UNC5B: variants seen among roughly 807,000 people sequenced by gnomAD.
UNC5B encodes unc-5 netrin receptor B.
Under a neutral mutation model 103.7 loss-of-function variants are expected in UNC5B, and 56 were observed. The observed-to-expected ratio is 0.54, with a 90% CI of 0.44 to 0.67. UNC5B has a LOEUF of 0.67. Among genes scored for constraint, UNC5B ranks in the 30% least tolerant of loss-of-function variants. UNC5B has a pLI of 0.00. For missense variants in UNC5B, 1,194 were observed against 1,284.5 expected (o/e 0.93, Z 1.08); for synonymous variants, 577 against 542.0 (o/e 1.06, Z -0.90).
chr10:71,288,969 C>G lies in UNC5B; in HGVS notation c.1078C>G (p.Leu360Val). 1 of 1,613,984 alleles carries G rather than the reference C, an allele frequency of 6.2e-7. No homozygotes were observed. The highest frequency in any genetic ancestry group is 8.5e-7 in the Non-Finnish European group (1 of 1,179,882). Residue 360 changes from leucine to valine, a missense_variant, in exon 8 of 17, where the codon CTA becomes GTA. By Grantham distance (32) the Leu-to-Val change is conservative. Coordinates refer to ENST00000335350, the MANE Select transcript of UNC5B (RefSeq NM_170744.5). ...DGLCMQNKKT[L>V]SDPNSHLLEA... ...ATTTCCCTTGACAGATAAGAAAACT[C>G]TAAGCGACCCCAACAGCCACCGTAA...
rs555421704 is a variant in UNC5B, at chr10:71,287,496, C to G, written c.734-102C>G. 2.1e-6 allele frequency: 3 copies of G among 1,434,082 alleles called. No individual in the cohort carries two copies. In the African/African-American group the frequency reaches 4.3e-5, roughly 20 times the overall value. The allele number at this position is 1,434,082 out of a possible 1,614,324, so 88.8% of individuals were successfully genotyped here. On this transcript the variant is annotated intron_variant, in intron 5 of 16. Transcript: ENST00000335350. ...GGCAAAAGGGGTCTCACTAGGAAGG[C>G]CAGGCTTCAGCAGAGGGGCCTCGTC...
rs374075468 is a variant in UNC5B, at chr10:71,288,630, C to T, written c.964C>T (p.Arg322Cys). ...CTGCAGCACTGAGTGTGCCCACTGGCGTAGCCGCGAGTGCATGGCGCCCCC... is the reference window on the plus strand; with the variant it reads ...CTGCAGCACTGAGTGTGCCCACTGGTGTAGCCGCGAGTGCATGGCGCCCCC... ...SACSTECAHW[R>C]SRECMAPPPQ... The change falls in exon 7 of 17, where the codon CGT (arginine) becomes TGT (cysteine). Residue 322 changes from arginine to cysteine, a missense_variant. Arg to Cys is a radical substitution (Grantham distance 180). Transcript: ENST00000335350. 6.8e-6 allele frequency: 11 copies of T among 1,613,826 alleles called. No individual in the cohort carries two copies. The highest frequency in any genetic ancestry group is 1.3e-5 in the African/African-American group (1 of 74,950).
At chr10:71,242,300 G>A (rs1479262192) in intron 1 of UNC5B, among the ~76,000 whole-genome samples, 1 of 152,222 alleles carries the variant, frequency 6.6e-6, no homozygotes, top group Non-Finnish European at 1.5e-5. Context: ...GGAAGCTGAG[G>A]CCCACAGTGC....
chr10:71,240,121 C>G (rs1175187551), intron 1 of UNC5B, among the ~76,000 whole-genome samples: 3 of 152,176 alleles, frequency 2.0e-5, no homozygotes, highest in Non-Finnish European at 4.4e-5. Flanking sequence ...ACCTCAGAAG[C>G]CCTGCTGCAG....
intron 1 of UNC5B, among the ~76,000 whole-genome samples, chr10:71,257,691 T>G (rs1844323155): frequency 6.6e-6 from 1 of 152,210 alleles, no homozygotes; most frequent in South Asian, 2.1e-4. Flanking sequence ...TTGGAAGATG[T>G]TTTCCATGGC....
chr10:71,281,561 C>A (rs1295528718), intron 2 of UNC5B, among the ~76,000 whole-genome samples: 1 of 152,224 alleles, frequency 6.6e-6, no homozygotes, highest in Non-Finnish European at 1.5e-5. Context: ...AGGATGGTCT[C>A]AATCTCCTGA....
In UNC5B at chr10:71,289,101, C is replaced by G. The variant is rs1243655246; in HGVS notation, c.1099+111C>G. ...GCAGGGAGAGCTGAAGGTGCCTACC[C>G]ACCCCCCACGGGATCATCTACACCT... On this transcript the variant is annotated intron_variant, in intron 8 of 16. Coordinates refer to ENST00000335350, the MANE Select transcript of UNC5B (RefSeq NM_170744.5). 7 of 1,438,890 alleles carry G rather than the reference C, an allele frequency of 4.9e-6. No individual in the cohort carries two copies. In the East Asian group the frequency reaches 1.6e-4, roughly 33 times the overall value. 89.1% of individuals were successfully genotyped at this position (1,438,890 alleles called of 1,614,324 possible). A position where few individuals can be genotyped will look rare whatever the true frequency, so the allele number is the denominator to read the frequency against.
chr10:71,269,987 C>T (rs1217678281), intron 1 of UNC5B, among the ~76,000 whole-genome samples: 1 of 152,058 alleles, frequency 6.6e-6, no homozygotes, highest in African/African-American at 2.4e-5. Context: ...CCAGCAGAGG[C>T]GCTGAGGCTA....
chr10:71,215,262 T>C (rs1295902125), intron 1 of UNC5B, among the ~76,000 whole-genome samples: 2 of 152,206 alleles, frequency 1.3e-5, no homozygotes, highest in African/African-American at 2.4e-5. Flanking sequence ...TGGCCACAGA[T>C]TGAAGACATG....
chr10:71,291,006 G>T lies in UNC5B; in HGVS notation c.1191G>T (p.Val397=), dbSNP rs199781203. The change falls in exon 9 of 17, where the codon GTG becomes GTT. Residue 397 remains valine (V), a synonymous_variant. Coordinates refer to ENST00000335350, the MANE Select transcript of UNC5B (RefSeq NM_170744.5). ...VVAILMAVGV[V]VYRRNCRDFD... is the part of the protein sequence containing the mutation. ...CAATCCTCATGGCGGTGGGGGTGGTGGTGTACCGCCGCAACTGCCGTGACT... is the reference window on the plus strand; with the variant it reads ...CAATCCTCATGGCGGTGGGGGTGGTTGTGTACCGCCGCAACTGCCGTGACT... 3.1e-6 allele frequency: 5 copies of T among 1,613,896 alleles called. No homozygotes were observed. Among genetic ancestry groups the T allele is most frequent in the Non-Finnish European group, 4.2e-6 (5 of 1,179,986 alleles).
intron 1 of UNC5B, among the ~76,000 whole-genome samples, chr10:71,247,628 A>C (rs1476393376): frequency 6.6e-6 from 1 of 152,064 alleles, no homozygotes; most frequent in Admixed American, 6.6e-5. Flanking sequence ...CAGGAGTCTG[A>C]GTCTGGGCCT....
At chr10:71,280,382 C>G (rs911423347) in intron 2 of UNC5B, among the ~76,000 whole-genome samples, 1 of 152,182 alleles carries the variant, frequency 6.6e-6, no homozygotes, top group African/African-American at 2.4e-5. Flanking sequence ...CCCTGGCACC[C>G]CACGGCACCG....
intron 6 of UNC5B, 72 bp from the exon 7 acceptor site, chr10:71,288,496 C>T (rs746625286): frequency 2.1e-4 from 325 of 1,536,742 alleles, no homozygotes; most frequent in Non-Finnish European, 2.8e-4. Context: ...GCACATTGCT[C>T]TGTTCTGCAC....
At chr10:71,281,852 G>A (rs189113921) in intron 2 of UNC5B, among the ~76,000 whole-genome samples, 67 of 152,232 alleles carry the variant, frequency 4.4e-4, no homozygotes, top group African/African-American at 1.3e-3. Context: ...GCAGGCAGTC[G>A]ATAAACACCT....
At position 71,295,866 on chromosome 10, in the gene UNC5B, C is replaced by G. The variant is rs554162045; in HGVS notation, c.2231C>G (p.Pro744Arg). ...LGGYLVEEPK[P>R]LMFKDSYHNL... The stretch of plus-strand genomic sequence containing the variant: ...GGATACTTGGTGGAGGAGCCGAAAC[C>G]GCTAATGTTCAAGGACAGTTACCAC... Residue 744 changes from proline to arginine, a missense_variant, in exon 14 of 17, where the codon CCG becomes CGG. Coordinates refer to ENST00000335350, the MANE Select transcript of UNC5B (RefSeq NM_170744.5). 2.5e-6 allele frequency: 4 copies of G among 1,613,118 alleles called. No homozygotes were observed. The highest frequency in any genetic ancestry group is 1.3e-5 in the African/African-American group (1 of 74,918).
Position 71,291,147 on chromosome 10 carries a change from C to A in UNC5B, c.1294+38C>A, listed in dbSNP as rs761116906. On this transcript the variant is annotated intron_variant, in intron 9 of 16. Transcript: ENST00000335350. Reference sequence around the variant, plus strand: ...GGATGTCTGGGGTGGTTGGCAGAGGCAGGATACCCAGAGGGCTCTGGTGGT... The same window carrying A: ...GGATGTCTGGGGTGGTTGGCAGAGGAAGGATACCCAGAGGGCTCTGGTGGT... 4 of 1,589,616 alleles carry A rather than the reference C, an allele frequency of 2.5e-6. No individual in the cohort carries two copies. In the South Asian group the frequency reaches 4.6e-5, roughly 18 times the overall value.
At chr10:71,285,250 A>G (rs1215702488) in intron 3 of UNC5B, 76 bp from the exon 4 acceptor site, 2 of 1,419,414 alleles carry the variant, frequency 1.4e-6, no homozygotes, top group Admixed American at 2.0e-5. Flanking sequence ...ACTGCCACCC[A>G]GTGGCTACAG....
chr10:71,286,340 G>C (rs1845078665), intron 4 of UNC5B, among the ~76,000 whole-genome samples: 1 of 152,220 alleles, frequency 6.6e-6, no homozygotes, highest in Non-Finnish European at 1.5e-5. Flanking sequence ...CTCCTGGCTA[G>C]CACCTATTTA....
At chr10:71,226,092 T>G (rs148682801) in intron 1 of UNC5B, among the ~76,000 whole-genome samples, 3,911 of 152,328 alleles carry the variant, frequency 0.026, 173 homozygotes, top group African/African-American at 0.088. Flanking sequence ...TTTTTATTTT[T>G]GAGACTGAGT....
Sources: gnomAD v4.1 joint callset for allele counts (sites outside exome capture counted in the v4.1 genomes callset) on GRCh38, gnomAD v4.1.1 for gene constraint, MANE v1.5 for transcripts, NCBI Gene and HGNC (gene_info 2026-07-23, HGNC 2026-07-21) for gene names.